SETSIP: variants seen among roughly 807,000 people sequenced by gnomAD.
SETSIP encodes the protein protein SETSIP.
In SETSIP, 15 loss-of-function variants were observed where a neutral mutation model predicts 21.9. The observed-to-expected ratio is 0.69, with a 90% CI of 0.46 to 1.06. The LOEUF (loss-of-function observed/expected upper bound fraction) is 1.06, where lower values mean the gene tolerates loss of function less well. SETSIP is among the 50% of genes least tolerant of loss of function. The pLI, the probability that SETSIP is intolerant of heterozygous loss-of-function variation, is 0.00. For missense variants in SETSIP, 310 were observed against 337.4 expected, an observed-to-expected ratio of 0.92 and a Z score of 0.64; for synonymous variants, 101 against 121.2, an observed-to-expected ratio of 0.83 and a Z score of 1.09.
At chr1:92,075,073 G>A (rs531818833) in exon 1 of SETSIP, 40 of 1,611,654 alleles carry the variant, frequency 2.5e-5, no homozygotes, top group Non-Finnish European at 3.3e-5. Flanking sequence ...GTGCCTCTTC[G>A]TCCTCCTCCC....
exon 1 of SETSIP, chr1:92,074,867 C>G: frequency 2.5e-6 from 4 of 1,611,616 alleles, no homozygotes; most frequent in Non-Finnish European, 3.4e-6. Flanking sequence ...TTGACTTGAA[C>G]GTTTCGTCAC....
At chr1:92,074,786 T>G (rs958783787) in exon 1 of SETSIP, 1 of 1,611,046 alleles carries the variant, frequency 6.2e-7, no homozygotes, top group African/African-American at 1.3e-5. Flanking sequence ...TGCATCAGAA[T>G]GATCAGTAAA....
At chr1:92,074,791 A>C in exon 1 of SETSIP, 1 of 1,608,492 alleles carries the variant, frequency 6.2e-7, no homozygotes, top group Admixed American at 1.7e-5. Context: ...CAGAATGATC[A>C]GTAAACCAGG....
At chr1:92,074,624 T>G in exon 1 of SETSIP, 1 of 1,566,650 alleles carries the variant, frequency 6.4e-7, no homozygotes, top group Admixed American at 1.9e-5. Flanking sequence ...TTCATCAATA[T>G]CTTCTAATTC....
chr1:92,075,161 C>T, exon 1 of SETSIP: 1 of 1,611,780 alleles, frequency 6.2e-7, no homozygotes, highest in East Asian at 2.2e-5. Context: ...CAATTCTGAC[C>T]TCTTCTGAAA....
At chr1:92,075,100 T>C (rs775720845) in exon 1 of SETSIP, 321 of 1,611,796 alleles carry the variant, frequency 2.0e-4, no homozygotes, top group Non-Finnish European at 2.3e-4. Flanking sequence ...GTGAAGACAC[T>C]TGTGGATGGT....
exon 1 of SETSIP, chr1:92,075,344 C>T: frequency 6.2e-7 from 1 of 1,611,292 alleles, no homozygotes; most frequent in Non-Finnish European, 8.5e-7. Context: ...CTCCTCCAGT[C>T]CCAGAGCAGG....
Position 92,074,795 on chromosome 1 carries a change from A to C in SETSIP, c.617T>G (p.Phe206Cys), listed in dbSNP as rs1647805018. The change falls in exon 1 of 1, where the codon TTT becomes TGT. Residue 206 changes from phenylalanine to cysteine, a missense_variant. Transcript: ENST00000596516. ...AGCACCTGCATCAGAATGATCAGTA[A>C]ACCAGGTAAAGAAGCTCTCTGGTTC... 3.4e-5 allele frequency: 54 copies of C among 1,611,388 alleles called. 2 individuals are homozygous for C. In the South Asian group the frequency reaches 5.3e-4, roughly 16 times the overall value.
exon 1 of SETSIP, chr1:92,074,766 C>T: frequency 6.2e-7 from 1 of 1,610,768 alleles, no homozygotes; most frequent in Non-Finnish European, 8.5e-7. Context: ...TCTTCTAACT[C>T]ATCAGCACCT....
exon 1 of SETSIP, chr1:92,074,736 A>G: frequency 6.2e-6 from 10 of 1,608,196 alleles, no homozygotes; most frequent in Non-Finnish European, 8.5e-6. Context: ...GGGTTTGGCC[A>G]AATATCATCT....
At chr1:92,075,148 G>T in exon 1 of SETSIP, 2 of 1,611,752 alleles carry the variant, frequency 1.2e-6, no homozygotes, top group Non-Finnish European at 1.7e-6. Flanking sequence ...GGATTTTGGC[G>T]ATCAATTCTG....
At chr1:92,074,922 G>T (rs1647806656) in exon 1 of SETSIP, 4 of 1,611,694 alleles carry the variant, frequency 2.5e-6, no homozygotes, top group Non-Finnish European at 3.4e-6. Flanking sequence ...TTTGAAGATG[G>T]ATCACCACTC....
chr1:92,075,122 G>C (rs1193036007), exon 1 of SETSIP: 1 of 1,611,692 alleles, frequency 6.2e-7, no homozygotes, highest in Non-Finnish European at 8.5e-7. Context: ...GACAAATGTT[G>C]TTACCCCAAA....
chr1:92,075,224 C>G, exon 1 of SETSIP: 1 of 1,611,918 alleles, frequency 6.2e-7, no homozygotes, highest in South Asian at 1.1e-5. Context: ...AATCTCCTCA[C>G]TGTCTTGTTC....
In SETSIP at chr1:92,074,789, TC is replaced by T. The variant is rs112749135; in HGVS notation, c.622del (p.Asp208IlefsTer10). ...CTCATCAGCACCTGCATCAGAATGA[TC>T]AGTAAACCAGGTAAAGAAGCTCTCT... On this transcript the variant is annotated frameshift_variant, in exon 1 of 1. Coordinates refer to ENST00000596516, the Ensembl canonical transcript of SETSIP. LOFTEE classifies it high-confidence loss of function. The T allele has an allele frequency of 1.9e-3, 3,005 of 1,611,306 alleles. 38 individuals carry two copies. In the African/African-American group the frequency reaches 0.032, roughly 17 times the overall value.
At chr1:92,074,583 C>T in exon 1 of SETSIP, 3 of 1,566,218 alleles carry the variant, frequency 1.9e-6, no homozygotes, top group Admixed American at 3.9e-5. Context: ...TCATCATCAT[C>T]TTCATCTTCT....
chr1:92,074,539 ATCT>A, exon 1 of SETSIP: 3 of 1,576,394 alleles, frequency 1.9e-6, no homozygotes, highest in Non-Finnish European at 8.6e-7. Flanking sequence ...TCTATTAGTC[ATCT>A]TCTCCTTCAT....
At chr1:92,075,135 T>G (rs532521664) in exon 1 of SETSIP, 1 of 1,611,834 alleles carries the variant, frequency 6.2e-7, no homozygotes, top group Non-Finnish European at 8.5e-7. Context: ...ACCCCAAAAT[T>G]TGGGATTTTG....
exon 1 of SETSIP, chr1:92,075,235 A>T (rs1647813311): frequency 1.2e-6 from 2 of 1,611,818 alleles, no homozygotes; most frequent in South Asian, 2.2e-5. Context: ...TGTCTTGTTC[A>T]TTAAGTCTGT....
Sources: allele counts gnomAD v4.1 joint callset, GRCh38; gene constraint gnomAD v4.1.1; transcripts MANE v1.5; gene names NCBI Gene and HGNC (gene_info 2026-07-23, HGNC 2026-07-21).